Variants in ACOT13 observed in about 807,000 individuals in gnomAD.
ACOT13 encodes acyl-CoA thioesterase 13.
A neutral mutation model predicts 11.8 loss-of-function variants in ACOT13; 10 were observed. The ratio of observed to expected loss-of-function variants is 0.85; its 90% CI spans 0.53 to 1.44. ACOT13 has a LOEUF of 1.44. Ranked by LOEUF, ACOT13 falls within the 40% of genes most tolerant of loss-of-function variation. The pLI is 0.00. For missense variants in ACOT13, 172 were observed against 174.1 expected, an observed-to-expected ratio of 0.99 and a Z score of 0.07; for synonymous variants, 53 against 61.0, an observed-to-expected ratio of 0.87 and a Z score of 0.61.
At position 24,704,485 on chromosome 6, in the gene ACOT13, C is replaced by T. The variant is rs544741337; in HGVS notation, c.*2870C>T. The T allele has an allele frequency of 3.3e-5, 5 of 152,312 alleles. No individual in the cohort carries two copies. The highest frequency in any genetic ancestry group is 2.1e-4 in the South Asian group (1 of 4,826). 9.4% of individuals were successfully genotyped at this position (152,312 alleles called of 1,614,324 possible). A position where few individuals can be genotyped will look rare whatever the true frequency, so the allele number is the denominator to read the frequency against. On this transcript the variant is annotated 3_prime_UTR_variant, in exon 3 of 3. Transcript: ENST00000230048. Reference sequence around the variant, plus strand: ...AATCCTCCACTACTTATGATCTGAGCTTGAGCAAGTTACTTAACCTCTGCA... The same window carrying T: ...AATCCTCCACTACTTATGATCTGAGTTTGAGCAAGTTACTTAACCTCTGCA...
At chr6:24,692,864 C>T (rs958517771) in intron 1 of ACOT13, among the ~76,000 whole-genome samples, 1 of 152,214 alleles carries the variant, frequency 6.6e-6, no homozygotes, top group African/African-American at 2.4e-5. Flanking sequence ...TAAGCGGAAG[C>T]CACCTGTGTA....
intron 1 of ACOT13, among the ~76,000 whole-genome samples, chr6:24,692,034 T>C (rs1778725576): frequency 6.6e-6 from 1 of 152,248 alleles, no homozygotes; most frequent in Non-Finnish European, 1.5e-5. Context: ...GGGAGATAAA[T>C]TGGAAGTCAG....
intron 1 of ACOT13, among the ~76,000 whole-genome samples, chr6:24,674,328 T>G (rs1272090734): frequency 3.3e-5 from 5 of 152,324 alleles, no homozygotes; most frequent in African/African-American, 1.2e-4. Flanking sequence ...AGTGCTGGGA[T>G]TGCAGGCATG....
At chr6:24,672,186 G>C (rs1014264024) in intron 1 of ACOT13, among the ~76,000 whole-genome samples, 1 of 152,192 alleles carries the variant, frequency 6.6e-6, no homozygotes, top group African/African-American at 2.4e-5. Context: ...TTTAACCAAA[G>C]TGATAACTCA....
intron 1 of ACOT13, among the ~76,000 whole-genome samples, chr6:24,694,320 G>A (rs534963212): frequency 3.9e-5 from 6 of 152,260 alleles, no homozygotes; most frequent in African/African-American, 1.4e-4. Context: ...AGACACCTAA[G>A]GAATCAGAAC....
intron 1 of ACOT13, among the ~76,000 whole-genome samples, chr6:24,683,546 A>T (rs1411022723): frequency 6.6e-6 from 1 of 151,578 alleles, no homozygotes; most frequent in Non-Finnish European, 1.5e-5. Context: ...CTCAAAAAAA[A>T]AATTAAGTTT....
chr6:24,668,837 C>T (rs982186646), intron 1 of ACOT13, among the ~76,000 whole-genome samples: 1 of 152,034 alleles, frequency 6.6e-6, no homozygotes, highest in Non-Finnish European at 1.5e-5. Flanking sequence ...TACTTCTTAG[C>T]GTAATTTTGC....
intron 1 of ACOT13, among the ~76,000 whole-genome samples, chr6:24,675,728 A>C (rs890168973): frequency 1.3e-5 from 2 of 152,158 alleles, no homozygotes; most frequent in Non-Finnish European, 2.9e-5. Flanking sequence ...GAAGCTCTTT[A>C]GTTTAATTAG....
In ACOT13 at chr6:24,698,025, C is replaced by G. The variant is rs766809760; in HGVS notation, c.224C>G (p.Thr75Arg). ...ATATCAACAATGGCTCTGCTATGCA[C>G]GGAAAGGGGAGCACCCGGAGTCAGT... is the stretch of plus-strand genomic sequence containing the variant. The part of the protein sequence containing the change: ...DNISTMALLC[T>R]ERGAPGVSVD... Residue 75 changes from threonine (T) to arginine (R), a missense_variant, in exon 2 of 3, where the codon ACG (threonine) becomes AGG (arginine). Thr to Arg is a moderately conservative substitution (Grantham distance 71). Transcript: ENST00000230048. The G allele has an allele frequency of 3.1e-6, 5 of 1,612,094 alleles. No individual in the cohort carries two copies. In the South Asian group the frequency reaches 5.5e-5, roughly 18 times the overall value.
At chr6:24,677,613 T>G (rs1778477434) in intron 1 of ACOT13, among the ~76,000 whole-genome samples, 1 of 152,188 alleles carries the variant, frequency 6.6e-6, no homozygotes, top group Non-Finnish European at 1.5e-5. Flanking sequence ...TAAAGAAAAG[T>G]CTTGCCCCAT....
intron 1 of ACOT13, among the ~76,000 whole-genome samples, chr6:24,676,023 G>T (rs1778448031): frequency 6.6e-6 from 1 of 150,884 alleles, no homozygotes; most frequent in Non-Finnish European, 1.5e-5. Context: ...TGTCAAAGAT[G>T]AGATGGTTGT....
chr6:24,672,571 G>A (rs376189466), intron 1 of ACOT13, among the ~76,000 whole-genome samples: 37 of 152,306 alleles, frequency 2.4e-4, no homozygotes, highest in African/African-American at 5.8e-4. Flanking sequence ...GCCAGGAGGC[G>A]GAGGTTACAG....
intron 1 of ACOT13, among the ~76,000 whole-genome samples, chr6:24,683,032 C>A (rs1243869088): frequency 2.0e-5 from 3 of 152,148 alleles, no homozygotes; most frequent in African/African-American, 7.2e-5. Context: ...AAGGTGGATG[C>A]GGTCACCTTC....
intron 1 of ACOT13, among the ~76,000 whole-genome samples, chr6:24,682,028 C>T (rs558011880): frequency 2.6e-4 from 39 of 152,286 alleles, no homozygotes; most frequent in Admixed American, 1.0e-3. Context: ...AGTCAGCCCT[C>T]GGATTCCCCA....
Position 24,701,466 on chromosome 6 carries a change from T to C in ACOT13, c.274T>C (p.Ser92Pro). The change falls in exon 3 of 3, where the codon TCA (serine) becomes CCA (proline). Residue 92 changes from serine to proline, a missense_variant. Ser to Pro is a moderately conservative substitution (Grantham distance 74). Transcript: ENST00000230048. ...TATTCATTTTCTTTCAAGGTACATG[T>C]CACCTGCAAAATTAGGAGAAGATAT... ...VSVDMNITYM[S>P]PAKLGEDIVI... is the part of the protein sequence containing the mutation. 2 of 1,606,380 alleles carry C rather than the reference T, an allele frequency of 1.2e-6. No homozygotes were observed. Among genetic ancestry groups the C allele is most frequent in the Non-Finnish European group, 1.7e-6 (2 of 1,176,566 alleles).
intron 1 of ACOT13, among the ~76,000 whole-genome samples, chr6:24,688,345 C>T (rs1243286045): frequency 6.6e-6 from 1 of 151,542 alleles, no homozygotes; most frequent in African/African-American, 2.4e-5. Context: ...TTGAGACCAG[C>T]CTAGGCAACA....
chr6:24,687,705 A>ATTTTTT (rs3033242), intron 1 of ACOT13: 55 of 1,285,920 alleles, frequency 4.3e-5, no homozygotes, highest in Middle Eastern at 2.6e-4. Context: ...TAAGAATAGA[A>ATTTTTT]TTTTTTTTTT....
At chr6:24,687,574 A>G in intron 1 of ACOT13, 16 of 1,452,212 alleles carry the variant, frequency 1.1e-5, no homozygotes, top group Non-Finnish European at 1.3e-5. Context: ...GAATACCTGA[A>G]TGAGATGTCA....
At chr6:24,684,549 A>G (rs1404153600) in intron 1 of ACOT13, among the ~76,000 whole-genome samples, 1 of 151,622 alleles carries the variant, frequency 6.6e-6, no homozygotes, top group Non-Finnish European at 1.5e-5. Context: ...TGCCCGTTGA[A>G]CCAGAAGTTG....
Sources: gnomAD v4.1 joint callset for allele counts (sites outside exome capture counted in the v4.1 genomes callset) on GRCh38, gnomAD v4.1.1 for gene constraint, MANE v1.5 for transcripts, NCBI Gene and HGNC (gene_info 2026-07-23, HGNC 2026-07-21) for gene names.